Variants in THADA observed in about 807,000 individuals in gnomAD.
THADA encodes THADA armadillo repeat containing, also known as tRNA (32-2'-O)-methyltransferase regulator THADA.
A neutral mutation model predicts 219.8 loss-of-function variants in THADA; 213 were observed. The ratio of observed to expected loss-of-function variants is 0.97; its 90% CI spans 0.87 to 1.09. The LOEUF is 1.09. Among genes scored for constraint, THADA ranks in the 50% least tolerant of loss-of-function variants. The probability of loss-of-function intolerance (pLI) is 0.00; values close to 1 mark genes in which losing one functional copy is unlikely to be tolerated. For synonymous variants in THADA, 1,018 were observed against 828.9 expected (o/e 1.23, Z -3.92); for missense variants, 2,956 against 2,311.3 (o/e 1.28, Z -5.72).
intron 36 of THADA, among the ~76,000 whole-genome samples, chr2:43,242,690 T>C (rs917654067): frequency 6.6e-6 from 1 of 152,168 alleles, no homozygotes; most frequent in Non-Finnish European, 1.5e-5. Context: ...GGTTTCACCA[T>C]ATTGCCCAGG....
chr2:43,311,230 C>T lies in THADA; in HGVS notation c.4438+9216G>A, dbSNP rs546252791. On this transcript the variant is annotated intron_variant, in intron 31 of 37. Transcript: ENST00000405975. ...AAATGCGCAAAGGATCTGAAGAGAC[C>T]GTTCTTTGAAGATATATAAATGACC... Among the ~76,000 whole-genome samples the T allele has an allele frequency of 4.0e-5, 6 of 151,832 alleles. No homozygotes were observed. In the South Asian group the frequency reaches 1.0e-3, roughly 26 times the overall value.
chr2:43,404,175 C>A (rs1279969689), intron 28 of THADA, among the ~76,000 whole-genome samples: 1 of 151,984 alleles, frequency 6.6e-6, no homozygotes, highest in Non-Finnish European at 1.5e-5. Flanking sequence ...TCCTCTTCAT[C>A]TTCTGAACTA....
chr2:43,347,841 G>A (rs1198258310), intron 29 of THADA, among the ~76,000 whole-genome samples: 1 of 152,224 alleles, frequency 6.6e-6, no homozygotes, highest in Non-Finnish European at 1.5e-5. Context: ...CTGGAGAAAG[G>A]AGTCGGGTCT....
intron 29 of THADA, among the ~76,000 whole-genome samples, chr2:43,381,981 AT>A (rs1672091511): frequency 6.6e-6 from 1 of 152,200 alleles, no homozygotes; most frequent in African/African-American, 2.4e-5. Flanking sequence ...CCAAAAACCC[AT>A]AATCCTAGTC....
In THADA at chr2:43,566,839, A is replaced by T; in HGVS notation, c.2188-18T>A. On this transcript the variant is annotated intron_variant, in intron 14 of 37. Transcript: ENST00000405975. ...ATGAAATTCTTAAAAAAAAAAAAAA[A>T]ATTACAGTAAGTATAATTACGTCAC... The T allele has an allele frequency of 1.4e-6, 2 of 1,421,982 alleles. No homozygotes were observed. Among genetic ancestry groups the T allele is most frequent in the Admixed American group, 3.1e-5 (1 of 31,774 alleles). The allele number at this position is 1,421,982 out of a possible 1,614,324, so 88.1% of individuals were successfully genotyped here.
At chr2:43,296,235 C>A (rs572674380) in intron 31 of THADA, among the ~76,000 whole-genome samples, 4 of 150,824 alleles carry the variant, frequency 2.7e-5, no homozygotes, top group African/African-American at 9.7e-5. Flanking sequence ...ACTCTTAACT[C>A]AGACACTGCA....
intron 25 of THADA, among the ~76,000 whole-genome samples, chr2:43,489,795 G>T (rs1197843127): frequency 1.3e-5 from 2 of 149,088 alleles, no homozygotes; most frequent in African/African-American, 5.1e-5. Context: ...GGACCTGTGG[G>T]GCCTCCAACT....
chr2:43,268,285 C>T (rs1256227455), intron 36 of THADA, among the ~76,000 whole-genome samples: 2 of 152,196 alleles, frequency 1.3e-5, no homozygotes, highest in African/African-American at 2.4e-5. Context: ...CTCCTCCTAA[C>T]GCTCATACAG....
intron 22 of THADA, among the ~76,000 whole-genome samples, chr2:43,520,701 C>T (rs368096216): frequency 4.5e-5 from 5 of 112,028 alleles, no homozygotes; most frequent in African/African-American, 1.0e-4. Flanking sequence ...AATATTTATA[C>T]GTATATATAT....
intron 26 of THADA, among the ~76,000 whole-genome samples, chr2:43,433,272 G>A (rs1050983689): frequency 3.3e-5 from 5 of 151,928 alleles, no homozygotes; most frequent in African/African-American, 1.2e-4. Flanking sequence ...GCTCACACCT[G>A]TAATCCCAAC....
chr2:43,459,689 C>T (rs1683404334), intron 26 of THADA, among the ~76,000 whole-genome samples: 1 of 152,160 alleles, frequency 6.6e-6, no homozygotes, highest in African/African-American at 2.4e-5. Flanking sequence ...TTAAACAGTG[C>T]TGTGTGAATG....
At chr2:43,516,066 C>A (rs569284441) in intron 22 of THADA, among the ~76,000 whole-genome samples, 4 of 152,226 alleles carry the variant, frequency 2.6e-5, no homozygotes, top group Non-Finnish European at 4.4e-5. Flanking sequence ...TGTCAACAAA[C>A]CTTGCCTGCT....
chr2:43,477,931 C>G (rs1685734811), intron 26 of THADA, among the ~76,000 whole-genome samples: 1 of 152,228 alleles, frequency 6.6e-6, no homozygotes, highest in Non-Finnish European at 1.5e-5. Flanking sequence ...ACCCTCTTCT[C>G]TACCTATTGA....
At chr2:43,514,884 T>A (rs1393542877) in intron 22 of THADA, among the ~76,000 whole-genome samples, 5 of 80,910 alleles carry the variant, frequency 6.2e-5, no homozygotes, top group Admixed American at 2.3e-4. Context: ...ATAATATGTA[T>A]AATATATATT....
In THADA at chr2:43,279,898, TAAG is replaced by T. The variant is rs1462044442; in HGVS notation, c.5165-5_5165-3del. 2 of 1,515,800 alleles carry T rather than the reference TAAG, an allele frequency of 1.3e-6. No homozygotes were observed. Among genetic ancestry groups the T allele is most frequent in the African/African-American group, 2.8e-5 (2 of 70,410 alleles). The allele number at this position is 1,515,800 out of a possible 1,614,324, so 93.9% of individuals were successfully genotyped here. A position where few individuals can be genotyped will look rare whatever the true frequency, so the allele number is the denominator to read the frequency against. ...AGAGAGCAAGTGTATCCTGCAACTCTAAGAAGACCAAAAGGAATCTGAATTACC... is the reference window on the plus strand; with the variant it reads ...AGAGAGCAAGTGTATCCTGCAACTCTAAGACCAAAAGGAATCTGAATTACC... On this transcript the variant is annotated splice_region_variant and splice_polypyrimidine_tract_variant and intron_variant, in intron 35 of 37. Coordinates refer to ENST00000405975, the MANE Select transcript of THADA (RefSeq NM_022065.5).
intron 15 of THADA, 24 bp downstream of exon 15, chr2:43,566,674 C>A (rs1698723881): frequency 5.0e-6 from 8 of 1,607,888 alleles, no homozygotes; most frequent in Non-Finnish European, 6.8e-6. Context: ...AAAATTACTT[C>A]CCCTAACATT....
In THADA at chr2:43,331,069, G is replaced by A. The variant is rs566243776; in HGVS notation, c.4344-10529C>T. On this transcript the variant is annotated intron_variant, in intron 30 of 37. Coordinates refer to ENST00000405975, the MANE Select transcript of THADA (RefSeq NM_022065.5). ...TACCAACAGGAAGGAAGCCATGCAGGTGGGTCTCCGGGCCCCCACCCCAGT... is the reference window on the plus strand; with the variant it reads ...TACCAACAGGAAGGAAGCCATGCAGATGGGTCTCCGGGCCCCCACCCCAGT... Among the ~76,000 whole-genome samples, 16 of 152,284 alleles carry A rather than the reference G, an allele frequency of 1.1e-4. 1 individual carries two copies. The South Asian group carries it at 3.3e-3, about 32-fold the overall frequency.
At chr2:43,402,826 T>C (rs928416804) in intron 28 of THADA, among the ~76,000 whole-genome samples, 1 of 152,176 alleles carries the variant, frequency 6.6e-6, no homozygotes, top group East Asian at 1.9e-4. Context: ...AGTACTAGTC[T>C]AGGTGATCAT....
At position 43,296,840 on chromosome 2, in the gene THADA, C is replaced by T. The variant is rs571956416; in HGVS notation, c.4439-3627G>A. Among the ~76,000 whole-genome samples the T allele has an allele frequency of 3.0e-3, 448 of 151,150 alleles. 3 individuals are homozygous for T. The highest frequency in any genetic ancestry group is 0.011 in the African/African-American group (431 of 40,772). ...AATCTGCTCTTAAAATTGTAATTAA[C>T]GGCCGCCCGGGAGGCAGCGGCTGGA... On this transcript the variant is annotated intron_variant, in intron 31 of 37. Coordinates refer to ENST00000405975, the MANE Select transcript of THADA (RefSeq NM_022065.5).
Sources: gnomAD v4.1 joint callset for allele counts (sites outside exome capture counted in the v4.1 genomes callset) on GRCh38, gnomAD v4.1.1 for gene constraint, MANE v1.5 for transcripts, NCBI Gene and HGNC (gene_info 2026-07-23, HGNC 2026-07-21) for gene names.